The following CDK13 variants were observed in gnomAD, a reference collection of about 807,000 sequenced individuals.
The protein encoded by CDK13 is cyclin-dependent kinase 13.
Under a neutral mutation model 137.6 loss-of-function variants are expected in CDK13, and 40 were observed. The observed-to-expected ratio is 0.29, with a 90% CI of 0.23 to 0.38. CDK13 has a LOEUF of 0.38. Ranked by LOEUF, CDK13 falls within the 10% of genes least tolerant of loss-of-function variation. CDK13 has a pLI of 1.00. For missense variants in CDK13, 1,704 were observed against 1,951.8 expected (o/e 0.87, Z 2.39); for synonymous variants, 869 against 760.1 (o/e 1.14, Z -2.36).
At chr7:39,978,486 A>G (rs1583935700) in intron 1 of CDK13, among the ~76,000 whole-genome samples, 1 of 152,360 alleles carries the variant, frequency 6.6e-6, no homozygotes, top group East Asian at 1.9e-4. Context: ...CTGGAAGGAC[A>G]GATAAAGATA....
At chr7:39,982,329 T>TA (rs886922908) in intron 1 of CDK13, among the ~76,000 whole-genome samples, 22 of 152,164 alleles carry the variant, frequency 1.4e-4, no homozygotes, top group African/African-American at 5.3e-4. Context: ...TCCATGTCCC[T>TA]ACAAAGGACA....
At chr7:40,077,199 T>G (rs1034679872) in intron 9 of CDK13, among the ~76,000 whole-genome samples, 1 of 152,326 alleles carries the variant, frequency 6.6e-6, no homozygotes, top group East Asian at 1.9e-4. Context: ...AAGAGTGTTA[T>G]GTTTAGGGTC....
intron 5 of CDK13, among the ~76,000 whole-genome samples, chr7:40,014,484 C>T (rs1430107638): frequency 3.5e-5 from 5 of 143,772 alleles, no homozygotes; most frequent in African/African-American, 7.7e-5. Context: ...GATGGCCTTG[C>T]CCTGTCACCC....
intron 9 of CDK13, among the ~76,000 whole-genome samples, chr7:40,064,208 C>T (rs1485494619): frequency 6.7e-6 from 1 of 148,448 alleles, no homozygotes; most frequent in African/African-American, 2.5e-5. Flanking sequence ...CATTTGAACC[C>T]AGGAGGCGAA....
At chr7:40,022,957 A>G (rs1412273692) in intron 5 of CDK13, among the ~76,000 whole-genome samples, 1 of 151,356 alleles carries the variant, frequency 6.6e-6, no homozygotes, top group Non-Finnish European at 1.5e-5. Flanking sequence ...TGTTTTCTCA[A>G]GTAAAGATCA....
intron 5 of CDK13, among the ~76,000 whole-genome samples, chr7:40,036,497 G>C (rs1785486477): frequency 6.6e-6 from 1 of 152,170 alleles, no homozygotes; most frequent in South Asian, 2.1e-4. Flanking sequence ...GCCTGAACCT[G>C]GGAGGTGGAG....
At chr7:40,000,207 C>T (rs564683983) in intron 4 of CDK13, among the ~76,000 whole-genome samples, 26 of 152,042 alleles carry the variant, frequency 1.7e-4, no homozygotes, top group Non-Finnish European at 3.5e-4. Flanking sequence ...GAAACCCTGT[C>T]TCTACCAAAG....
chr7:40,004,625 C>T (rs1209232189), intron 5 of CDK13, among the ~76,000 whole-genome samples: 2 of 152,158 alleles, frequency 1.3e-5, no homozygotes, highest in Non-Finnish European at 2.9e-5. Flanking sequence ...TTGTGATTGC[C>T]ATGCTGTGTG....
chr7:39,987,862 C>T lies in CDK13; in HGVS notation c.1475C>T (p.Thr492Ile), dbSNP rs763042681. 22 of 1,614,238 alleles carry T rather than the reference C, an allele frequency of 1.4e-5. No individual in the cohort carries two copies. Among genetic ancestry groups the T allele is most frequent in the Non-Finnish European group, 1.8e-5 (21 of 1,180,034 alleles). Residue 492 changes from threonine (T) to isoleucine (I), a missense_variant, in exon 2 of 14, where the codon ACT becomes ATT. Physicochemically the swap from Thr to Ile is moderately conservative, Grantham distance 89. Around this residue, in one of 5 missense-constraint regions of CDK13, gnomAD observed 1,051 missense variants for 931.0 expected, o/e 1.13. Coordinates refer to ENST00000181839, the MANE Select transcript of CDK13 (RefSeq NM_003718.5). ...GCCAAGGCTGCAAAAGCTTCAAACA[C>T]TTCTACACCTACCAAGGGGAACACG... is the stretch of plus-strand genomic sequence containing the variant. ...AAAKAAKASN[T>I]STPTKGNTET...
rs1787167486 is a variant in CDK13 at position 39,951,164 on chromosome 7, G to A, written c.523G>A (p.Gly175Arg). Residue 175 changes from glycine (G) to arginine (R), a missense_variant, in exon 1 of 14, where the codon GGG (glycine) becomes AGG (arginine). Around this residue, in one of 5 missense-constraint regions of CDK13, gnomAD observed 1,051 missense variants for 931.0 expected, o/e 1.13. Transcript: ENST00000181839. ...GGCGGCGACGGCTGCCGGGGGAACG[G>A]GGGGCAGCGGCGGGAGTCCGGCCTC... ...ATAATAAGGTGGSGGSPASSS... is the reference protein window; with the variant it reads ...ATAATAAGGTRGSGGSPASSS... 1 of 1,243,232 alleles carries A rather than the reference G, an allele frequency of 8.0e-7. No homozygotes were observed. Among genetic ancestry groups the A allele is most frequent in the Non-Finnish European group, 1.0e-6 (1 of 995,510 alleles). The allele number at this position is 1,243,232 out of a possible 1,614,324, so 77.0% of individuals were successfully genotyped here. A position where few individuals can be genotyped will look rare whatever the true frequency, so the allele number is the denominator to read the frequency against.
chr7:40,061,370 A>G (rs1043781812), intron 7 of CDK13: 3 of 152,188 alleles, frequency 2.0e-5, no homozygotes, highest in Non-Finnish European at 4.4e-5. Flanking sequence ...TATCTGTGGT[A>G]ATGCTATAAT....
chr7:39,996,857 G>A lies in CDK13; in HGVS notation c.1872-637G>A, dbSNP rs17496310. Among the ~76,000 whole-genome samples the A allele has an allele frequency of 6.3e-3, 955 of 150,794 alleles. 33 individuals carry two copies. Among genetic ancestry groups the A allele is most frequent in the Admixed American group, 0.058 (878 of 15,104 alleles). On this transcript the variant is annotated intron_variant, in intron 2 of 13. Transcript: ENST00000181839. ...GGGCACCTGTAATCCCAGCTATTTGGGAGGCTTGAGACAAGATAATCGCTT... is the reference window on the plus strand; with the variant it reads ...GGGCACCTGTAATCCCAGCTATTTGAGAGGCTTGAGACAAGATAATCGCTT...
At chr7:40,080,311 A>G (rs773150999) in intron 11 of CDK13, among the ~76,000 whole-genome samples, 1 of 152,194 alleles carries the variant, frequency 6.6e-6, no homozygotes, top group Non-Finnish European at 1.5e-5. Context: ...TTTTAAAATG[A>G]TAAGGAGCAT....
chr7:40,015,209 C>T (rs2116378615), intron 5 of CDK13, among the ~76,000 whole-genome samples: 1 of 152,200 alleles, frequency 6.6e-6, no homozygotes, highest in East Asian at 1.9e-4. Flanking sequence ...GTTAGATGCA[C>T]ATCAGGAGAT....
intron 5 of CDK13, among the ~76,000 whole-genome samples, chr7:40,023,586 G>A (rs1327597550): frequency 6.6e-6 from 1 of 151,116 alleles, no homozygotes; most frequent in Admixed American, 6.6e-5. Flanking sequence ...TGCAAGCTCC[G>A]CCTCCTGGGT....
At chr7:40,012,657 G>C (rs1416751621) in intron 5 of CDK13, among the ~76,000 whole-genome samples, 1 of 151,940 alleles carries the variant, frequency 6.6e-6, no homozygotes, top group Non-Finnish European at 1.5e-5. Flanking sequence ...GCTCACGCCT[G>C]TAACCCCAGC....
At chr7:39,956,990 T>A (rs1160234674) in intron 1 of CDK13, among the ~76,000 whole-genome samples, 3 of 152,230 alleles carry the variant, frequency 2.0e-5, no homozygotes, top group African/African-American at 7.2e-5. Context: ...ATTTTTATAC[T>A]TGCTGTTCTG....
In CDK13 at chr7:39,997,517, A is replaced by G. The variant is rs756965879; in HGVS notation, c.1895A>G (p.Lys632Arg). 1.9e-6 allele frequency: 3 copies of G among 1,599,762 alleles called. No individual in the cohort carries two copies. Among genetic ancestry groups the G allele is most frequent in the Non-Finnish European group, 2.5e-6 (3 of 1,176,822 alleles). ...AGCTTACGAGGAAATATTTCAGTAA[A>G]AGCAGTTAAAAAAGAAGTAGAAAAG... ...ADSLRGNISV[K>R]AVKKEVEKKL... The change falls in exon 3 of 14, where the codon AAA becomes AGA. Residue 632 changes from lysine (K) to arginine (R), a missense_variant. Coordinates refer to ENST00000181839, the MANE Select transcript of CDK13 (RefSeq NM_003718.5).
chr7:40,090,785 T>C (rs1786904065), intron 12 of CDK13, among the ~76,000 whole-genome samples: 1 of 152,184 alleles, frequency 6.6e-6, no homozygotes, highest in Non-Finnish European at 1.5e-5. Flanking sequence ...GCAGGAAAGA[T>C]TGCTTGAGCC....
Sources: allele counts gnomAD v4.1 joint callset (sites outside exome capture counted in the v4.1 genomes callset), GRCh38; gene constraint gnomAD v4.1.1; regional missense constraint gnomAD v4.1.1; transcripts MANE v1.5; gene names NCBI Gene and HGNC (gene_info 2026-07-23, HGNC 2026-07-21).